The following CDK15 variants were observed in gnomAD, a reference collection of about 807,000 sequenced individuals.
CDK15 encodes the protein cyclin dependent kinase 15.
A neutral mutation model predicts 60.3 loss-of-function variants in CDK15; 62 were observed. That is an observed-to-expected ratio of 1.03 (90% confidence interval 0.84 to 1.27). The LOEUF is 1.27. Ranked by LOEUF, CDK15 falls within the 50% of genes most tolerant of loss-of-function variation. The pLI is 0.00. For synonymous variants in CDK15, 194 were observed against 195.7 expected (o/e 0.99, Z 0.07); for missense variants, 541 against 527.8 (o/e 1.03, Z -0.25).
chr2:201,867,693 G>C (rs1464337285), intron 10 of CDK15, among the ~76,000 whole-genome samples: 1 of 151,738 alleles, frequency 6.6e-6, no homozygotes, highest in African/African-American at 2.4e-5. Context: ...CCCTTCCCAG[G>C]CTAGTTGAAT....
chr2:201,866,042 GT>G (rs1698619970), intron 10 of CDK15, among the ~76,000 whole-genome samples: 2 of 145,820 alleles, frequency 1.4e-5, no homozygotes, highest in African/African-American at 5.3e-5. Context: ...GTGTGTGTGT[GT>G]GTGTTTGGGG....
At chr2:201,816,027 CTAAAG>C (rs1390884975) in intron 4 of CDK15, among the ~76,000 whole-genome samples, 2 of 151,916 alleles carry the variant, frequency 1.3e-5, no homozygotes, top group South Asian at 2.1e-4. Flanking sequence ...AAATGCTTAA[CTAAAG>C]TATTTATTGT....
At chr2:201,808,002 C>T (rs779959825) in intron 3 of CDK15, 50 bp downstream of exon 3, 9 of 1,488,900 alleles carry the variant, frequency 6.0e-6, no homozygotes, top group East Asian at 2.3e-5. Flanking sequence ...GTCCCGCCCC[C>T]CCAATTTCAT....
At chr2:201,870,478 G>T (rs1252046694) in intron 10 of CDK15, among the ~76,000 whole-genome samples, 1 of 151,080 alleles carries the variant, frequency 6.6e-6, no homozygotes, top group Non-Finnish European at 1.5e-5. Flanking sequence ...GGAGGCTAAG[G>T]TGGGAGGAAC....
intron 9 of CDK15, among the ~76,000 whole-genome samples, chr2:201,850,454 T>A (rs1319046333): frequency 6.6e-6 from 1 of 152,154 alleles, no homozygotes; most frequent in Non-Finnish European, 1.5e-5. Context: ...ATGGGCTAGG[T>A]ACTATGCTGG....
chr2:201,822,721 A>G (rs1696285304), intron 4 of CDK15, 88 bp from the exon 5 acceptor site: 2 of 715,966 alleles, frequency 2.8e-6, no homozygotes, highest in African/African-American at 1.8e-5. Flanking sequence ...TTGATTTGAA[A>G]TGTTGAAAAA....
intron 10 of CDK15, among the ~76,000 whole-genome samples, chr2:201,857,654 C>T (rs894163100): frequency 7.2e-5 from 11 of 152,110 alleles, no homozygotes; most frequent in African/African-American, 1.7e-4. Context: ...GGAGTTGGAA[C>T]CTTAGCCATA....
At chr2:201,823,860 G>C (rs1226656002) in intron 6 of CDK15, 133 bp downstream of exon 6, 1 of 672,750 alleles carries the variant, frequency 1.5e-6, no homozygotes, top group Non-Finnish European at 2.4e-6. Flanking sequence ...CCAGAAAAAA[G>C]TTTTGTTTTG....
rs193272134 is a variant in CDK15, at chr2:201,831,212, T to A, written c.607-2636T>A. Among the ~76,000 whole-genome samples the A allele has an allele frequency of 3.9e-5, 6 of 152,272 alleles. No homozygotes were observed. In the East Asian group the frequency reaches 1.2e-3, roughly 29 times the overall value. On this transcript the variant is annotated intron_variant, in intron 6 of 13. Transcript: ENST00000652192. ...TGTTTCAGATTTCTAGTAGAATGAG[T>A]CCCAGGGATTCCAGGGGGGATGGAA...
In CDK15 at chr2:201,889,290, G is replaced by A. The variant is rs1699560725; in HGVS notation, c.1199-1495G>A. The A allele has an allele frequency of 2.0e-5, 20 of 985,372 alleles. No homozygotes were observed. The South Asian group carries it at 8.5e-4, about 42-fold the overall frequency. The allele number at this position is 985,372 out of a possible 1,614,324, so 61.0% of individuals were successfully genotyped here. A position where few individuals can be genotyped will look rare whatever the true frequency, so the allele number is the denominator to read the frequency against. Reference sequence around the variant, plus strand: ...CCAGATTTATGCAAATTGTGAACCTGGGAAAAGCAATGCCCAAGTGGAAAG... The same window carrying A: ...CCAGATTTATGCAAATTGTGAACCTAGGAAAAGCAATGCCCAAGTGGAAAG... On this transcript the variant is annotated intron_variant, in intron 12 of 13. Transcript: ENST00000652192.
At position 201,854,965 on chromosome 2, in the gene CDK15, T is replaced by C. The variant is rs1165341892; in HGVS notation, c.1009+28T>C. ...AATATTGATCTGAGCTTCTGAATAC[T>C]CTGAGAATTAGTAATGTAAGGAGAG... On this transcript the variant is annotated intron_variant, in intron 10 of 13. Transcript: ENST00000652192. 2.5e-6 allele frequency: 4 copies of C among 1,605,924 alleles called. No individual in the cohort carries two copies. The African/African-American group carries it at 5.4e-5, about 21-fold the overall frequency.
chr2:201,837,432 GGGAAGGAAGGAAGGAAAGGAAGGAA>G (rs1697162512), intron 8 of CDK15, among the ~76,000 whole-genome samples: 2 of 104,064 alleles, frequency 1.9e-5, no homozygotes, highest in Middle Eastern at 4.3e-3. Flanking sequence ...GAGGGAGGAA[GGGAAGGAAGGAAGGAAAGGAAGGAA>G]GGAAGGAAGG....
intron 12 of CDK15, 67 bp from the exon 13 acceptor site, chr2:201,890,718 A>G (rs1250266194): frequency 3.1e-6 from 4 of 1,277,660 alleles, no homozygotes; most frequent in Non-Finnish European, 4.4e-6. Flanking sequence ...ATTACAACAG[A>G]CAAAAATATA....
intron 12 of CDK15, among the ~76,000 whole-genome samples, chr2:201,883,612 C>G (rs1332066318): frequency 6.6e-6 from 1 of 152,220 alleles, no homozygotes; most frequent in East Asian, 1.9e-4. Flanking sequence ...CAAGTTCTGA[C>G]ATTTTCCCTT....
intron 12 of CDK15, among the ~76,000 whole-genome samples, chr2:201,886,378 C>T (rs1427092594): frequency 6.7e-6 from 1 of 149,506 alleles, no homozygotes; most frequent in Non-Finnish European, 1.5e-5. Context: ...CAGGCTGGAG[C>T]GCAATGGCAT....
intron 13 of CDK15, among the ~76,000 whole-genome samples, chr2:201,891,680 A>G (rs1170910043): frequency 6.6e-6 from 1 of 152,130 alleles, no homozygotes; most frequent in Non-Finnish European, 1.5e-5. Flanking sequence ...TCCAAAAGTC[A>G]CCGTAGTATA....
At chr2:201,849,227 C>T (rs1461637168) in intron 9 of CDK15, among the ~76,000 whole-genome samples, 1 of 152,210 alleles carries the variant, frequency 6.6e-6, no homozygotes, top group Non-Finnish European at 1.5e-5. Flanking sequence ...GCATAACAAG[C>T]TCCATGCACC....
intron 9 of CDK15, among the ~76,000 whole-genome samples, 195 bp downstream of exon 9, chr2:201,847,669 A>G (rs1697729450): frequency 6.6e-6 from 1 of 152,144 alleles, no homozygotes; most frequent in Non-Finnish European, 1.5e-5. Context: ...CTGTTGCCCC[A>G]TAGCAGCCCA....
intron 10 of CDK15, among the ~76,000 whole-genome samples, chr2:201,871,362 T>C (rs2105816452): frequency 6.6e-6 from 1 of 152,088 alleles, no homozygotes; most frequent in South Asian, 2.1e-4. Flanking sequence ...TTGTCCAAGT[T>C]GGTCTTGAAC....
Sources: allele counts gnomAD v4.1 joint callset (sites outside exome capture counted in the v4.1 genomes callset), GRCh38; gene constraint gnomAD v4.1.1; transcripts MANE v1.5; gene names NCBI Gene and HGNC (gene_info 2026-07-23, HGNC 2026-07-21).